The following PCDH15 variants were observed in gnomAD, a reference collection of about 807,000 sequenced individuals.
PCDH15 encodes the protein protocadherin-15.
Under a neutral mutation model 178.5 loss-of-function variants are expected in PCDH15, and 129 were observed. The ratio of observed to expected loss-of-function variants is 0.72; its 90% CI spans 0.63 to 0.84. The LOEUF (loss-of-function observed/expected upper bound fraction) is 0.84, where lower values mean the gene tolerates loss of function less well. Ranked by LOEUF, PCDH15 falls within the 40% of genes least tolerant of loss-of-function variation. PCDH15 has a pLI of 0.00. For missense variants in PCDH15, 2,230 were observed against 2,099.9 expected (o/e 1.06, Z -1.21); for synonymous variants, 800 against 732.0 (o/e 1.09, Z -1.50).
intron 3 of PCDH15, among the ~76,000 whole-genome samples, chr10:54,880,551 T>C (rs144446851): frequency 6.6e-6 from 1 of 151,722 alleles, no homozygotes; most frequent in African/African-American, 2.4e-5. Flanking sequence ...ACCAAAGTAG[T>C]AAGAAAAGCA....
chr10:55,344,481 A>G (rs1844689642), intron 2 of PCDH15, among the ~76,000 whole-genome samples: 1 of 152,120 alleles, frequency 6.6e-6, no homozygotes, highest in Non-Finnish European at 1.5e-5. Flanking sequence ...GGTCAAACAC[A>G]CTTTGAAGTT....
At chr10:54,252,939 G>T (rs954004550) in intron 8 of PCDH15, among the ~76,000 whole-genome samples, 11 of 151,866 alleles carry the variant, frequency 7.2e-5, no homozygotes, top group Non-Finnish European at 2.9e-5. Context: ...TTTCATGTTA[G>T]TGCCTTACTT....
chr10:55,089,383 G>A (rs1227431117), intron 2 of PCDH15, among the ~76,000 whole-genome samples: 4 of 143,408 alleles, frequency 2.8e-5, no homozygotes, highest in African/African-American at 5.5e-5. Context: ...ATAAAATCGA[G>A]CAAAAATAAA....
intron 1 of PCDH15, among the ~76,000 whole-genome samples, chr10:55,250,184 T>C (rs1841797376): frequency 6.6e-6 from 1 of 152,034 alleles, no homozygotes; most frequent in South Asian, 2.1e-4. Flanking sequence ...GAGCCTGGAG[T>C]GCAGGCTGGA....
intron 2 of PCDH15, among the ~76,000 whole-genome samples, chr10:55,079,630 G>T (rs1784478705): frequency 6.6e-6 from 1 of 152,174 alleles, no homozygotes; most frequent in African/African-American, 2.4e-5. Flanking sequence ...CAGGTGGGCA[G>T]GCAGGCTCTT....
At chr10:54,203,580 T>G (rs979882930) in intron 10 of PCDH15, among the ~76,000 whole-genome samples, 1 of 152,174 alleles carries the variant, frequency 6.6e-6, no homozygotes, top group Non-Finnish European at 1.5e-5. Flanking sequence ...AGGCAGATAA[T>G]GACAACATTC....
rs565711167 is a variant in PCDH15, at chr10:53,902,138, A to G, written c.3501+1105T>C. On this transcript the variant is annotated intron_variant, in intron 26 of 37. Coordinates refer to ENST00000644397, the MANE Select transcript of PCDH15 (RefSeq NM_001384140.1). The stretch of plus-strand genomic sequence containing the variant: ...ATAAGATAAAAATCAGCTACAAAGG[A>G]TTCCTACTTGTGGATAACAACATAA... 2.8e-3 allele frequency among the ~76,000 whole-genome samples: 419 copies of G among 152,302 alleles called. 14 individuals are homozygous for G. The South Asian group carries it at 0.084, about 30-fold the overall frequency.
chr10:54,961,719 C>G (rs1018726845), intron 2 of PCDH15, among the ~76,000 whole-genome samples: 1 of 152,176 alleles, frequency 6.6e-6, no homozygotes, highest in African/African-American at 2.4e-5. Context: ...TTTGGGTCTC[C>G]TCTGTACTCT....
At chr10:55,538,428 T>TCCTCCCTCCCTC (rs1564441834) in intron 2 of PCDH15, among the ~76,000 whole-genome samples, 1 of 126,862 alleles carries the variant, frequency 7.9e-6, no homozygotes, top group Non-Finnish European at 1.6e-5. Flanking sequence ...CTCCCTCCCT[T>TCCTCCCTCCCTC]CCTTCCTTCC....
At chr10:55,218,383 A>G (rs1840769104) in intron 1 of PCDH15, among the ~76,000 whole-genome samples, 1 of 152,018 alleles carries the variant, frequency 6.6e-6, no homozygotes, top group African/African-American at 2.4e-5. Context: ...AATAGAAAAA[A>G]TGGTGATATG....
chr10:55,454,653 C>T (rs1305916995), intron 2 of PCDH15, among the ~76,000 whole-genome samples: 1 of 149,542 alleles, frequency 6.7e-6, no homozygotes, highest in Non-Finnish European at 1.5e-5. Flanking sequence ...GATGTGGTGG[C>T]GGGTGCCTGT....
chr10:54,527,991 T>G (rs1446328995), intron 2 of PCDH15, 114 bp from the exon 3 acceptor site: 1 of 781,476 alleles, frequency 1.3e-6, no homozygotes, highest in Non-Finnish European at 2.2e-6. Context: ...GCAATCTAAT[T>G]AATATGCATC....
At chr10:55,247,795 A>T (rs1000467175) in intron 1 of PCDH15, 2 of 151,140 alleles carry the variant, frequency 1.3e-5, no homozygotes, top group East Asian at 3.9e-4. Flanking sequence ...CAGCTACTTG[A>T]GAGGCTGAGG....
At chr10:55,365,448 T>C (rs983332489) in intron 2 of PCDH15, among the ~76,000 whole-genome samples, 2 of 152,120 alleles carry the variant, frequency 1.3e-5, no homozygotes, top group Non-Finnish European at 2.9e-5. Context: ...CAAATAACCT[T>C]GTGAGTGAGC....
intron 1 of PCDH15, among the ~76,000 whole-genome samples, chr10:55,281,304 C>A (rs533624437): frequency 6.6e-6 from 1 of 151,674 alleles, no homozygotes; most frequent in African/African-American, 2.4e-5. Flanking sequence ...CACTTTATTG[C>A]CTCCTTCATC....
intron 25 of PCDH15, among the ~76,000 whole-genome samples, chr10:53,910,582 TC>T (rs1440851747): frequency 6.6e-6 from 1 of 152,004 alleles, no homozygotes; most frequent in Non-Finnish European, 1.5e-5. Context: ...AGCTGAAAAT[TC>T]TAAAAACCAG....
chr10:54,471,079 A>G (rs958382673), intron 3 of PCDH15, among the ~76,000 whole-genome samples: 1 of 152,226 alleles, frequency 6.6e-6, no homozygotes, highest in Non-Finnish European at 1.5e-5. Context: ...AATATATTCA[A>G]TTAACATATA....
intron 1 of PCDH15, among the ~76,000 whole-genome samples, chr10:55,288,885 A>C (rs1396192602): frequency 1.3e-5 from 2 of 151,584 alleles, no homozygotes; most frequent in Admixed American, 6.6e-5. Flanking sequence ...ATATATATAT[A>C]TATCTAGAAC....
chr10:54,765,022 C>T (rs1460328903), intron 1 of PCDH15, among the ~76,000 whole-genome samples: 1 of 151,954 alleles, frequency 6.6e-6, no homozygotes, highest in African/African-American at 2.4e-5. Context: ...ATCCAACAGG[C>T]AAAAAGCTAT....
Sources: gnomAD v4.1 joint callset for allele counts (sites outside exome capture counted in the v4.1 genomes callset) on GRCh38, gnomAD v4.1.1 for gene constraint, MANE v1.5 for transcripts, NCBI Gene and HGNC (gene_info 2026-07-23, HGNC 2026-07-21) for gene names.